MAGI1: variants seen among roughly 807,000 people sequenced by gnomAD.
MAGI1 encodes the protein membrane-associated guanylate kinase, WW and PDZ domain-containing protein 1.
MAGI1 carries 58 observed loss-of-function variants against 139.9 expected under a neutral mutation model. The observed-to-expected ratio is 0.41, with a 90% confidence interval of 0.34 to 0.52. The LOEUF (loss-of-function observed/expected upper bound fraction) is 0.52, where lower values mean the gene tolerates loss of function less well. Among genes scored for constraint, MAGI1 ranks in the 20% least tolerant of loss-of-function variants. MAGI1 has a pLI of 0.12. For missense variants in MAGI1, 1,874 were observed against 1,901.6 expected, an observed-to-expected ratio of 0.99 and a Z score of 0.27; for synonymous variants, 812 against 737.9, an observed-to-expected ratio of 1.10 and a Z score of -1.63.
chr3:65,582,127 A>T (rs2081456390), intron 2 of MAGI1, among the ~76,000 whole-genome samples: 1 of 152,194 alleles, frequency 6.6e-6, no homozygotes, highest in Non-Finnish European at 1.5e-5. Flanking sequence ...AGTGTTTTAG[A>T]CATGATTATA....
intron 2 of MAGI1, among the ~76,000 whole-genome samples, chr3:65,605,973 A>G (rs1450150346): frequency 1.3e-5 from 2 of 151,978 alleles, no homozygotes; most frequent in African/African-American, 2.4e-5. Flanking sequence ...CATCCATTCA[A>G]CTCTGCCTAC....
At chr3:65,882,995 C>T (rs1306510841) in intron 1 of MAGI1, among the ~76,000 whole-genome samples, 1 of 150,238 alleles carries the variant, frequency 6.7e-6, no homozygotes, top group East Asian at 1.9e-4. Flanking sequence ...AGAGAAAGGA[C>T]AAGTTGACCT....
chr3:65,461,515 G>A (rs1428939052), intron 5 of MAGI1, among the ~76,000 whole-genome samples: 3 of 125,850 alleles, frequency 2.4e-5, no homozygotes, highest in Admixed American at 9.7e-5. Context: ...TTAAGACAGA[G>A]TCTCACTCTG....
chr3:66,012,664 G>A (rs932251394), intron 1 of MAGI1, among the ~76,000 whole-genome samples: 1 of 151,768 alleles, frequency 6.6e-6, no homozygotes, highest in South Asian at 2.1e-4. Flanking sequence ...TACTTGGGAG[G>A]CTGAGGCAGG....
At chr3:65,935,645 C>A (rs776151335) in intron 1 of MAGI1, among the ~76,000 whole-genome samples, 2 of 152,126 alleles carry the variant, frequency 1.3e-5, no homozygotes, top group Non-Finnish European at 2.9e-5. Flanking sequence ...GTAGAGTCTA[C>A]TACCTCACCC....
chr3:65,412,646 G>A (rs927989811), intron 12 of MAGI1, among the ~76,000 whole-genome samples: 2 of 152,178 alleles, frequency 1.3e-5, no homozygotes, highest in South Asian at 2.1e-4. Context: ...AAAGCTGCAG[G>A]AAGAGCTGAT....
intron 1 of MAGI1, among the ~76,000 whole-genome samples, chr3:65,625,329 T>C (rs17073215): frequency 0.016 from 2,465 of 152,280 alleles, 32 homozygotes; most frequent in Middle Eastern, 0.078. Context: ...GATTGGATGA[T>C]TGGATGAGTA....
At chr3:65,392,179 C>T (rs1943976191) in intron 13 of MAGI1, among the ~76,000 whole-genome samples, 1 of 152,126 alleles carries the variant, frequency 6.6e-6, no homozygotes, top group Admixed American at 6.5e-5. Flanking sequence ...AGTCCTTGTT[C>T]ATTAAAATCT....
intron 4 of MAGI1, among the ~76,000 whole-genome samples, chr3:65,471,421 A>G (rs1950554056): frequency 6.6e-6 from 1 of 152,212 alleles, no homozygotes; most frequent in South Asian, 2.1e-4. Context: ...GTGAAGAATG[A>G]TAAAAGGCTG....
intron 2 of MAGI1, chr3:65,499,158 G>T (rs570518017): frequency 4.4e-5 from 19 of 429,300 alleles, no homozygotes; most frequent in African/African-American, 3.9e-4. Flanking sequence ...ATTGGCTGTG[G>T]TCTCTAGGAA....
chr3:65,638,454 C>A (rs1344112955), intron 1 of MAGI1, among the ~76,000 whole-genome samples: 1 of 151,760 alleles, frequency 6.6e-6, no homozygotes, highest in African/African-American at 2.4e-5. Context: ...TGTGTTATCA[C>A]CAGATTGCTT....
At chr3:65,939,296 A>G (rs1344473734) in intron 1 of MAGI1, among the ~76,000 whole-genome samples, 3 of 152,184 alleles carry the variant, frequency 2.0e-5, no homozygotes, top group Non-Finnish European at 4.4e-5. Context: ...AGACTCATAC[A>G]GCCAAATGTT....
chr3:65,519,634 T>G (rs1332816459), intron 2 of MAGI1, among the ~76,000 whole-genome samples: 1 of 152,142 alleles, frequency 6.6e-6, no homozygotes, highest in Non-Finnish European at 1.5e-5. Flanking sequence ...TCCACCCACT[T>G]TGGCCTGCCA....
In MAGI1 at chr3:65,356,811, T is replaced by A. The variant is rs199909203; in HGVS notation, c.3956A>T (p.Lys1319Met). The change falls in exon 23 of 23, where the codon AAG becomes ATG. Residue 1319 changes from lysine to methionine, a missense_variant. Around this residue, in one of 5 missense-constraint regions of MAGI1, gnomAD observed 653 missense variants for 644.5 expected, o/e 1.01. Coordinates refer to ENST00000402939, the MANE Select transcript of MAGI1 (RefSeq NM_001033057.2). ...CCTCCGCTTCTCTGGGGACCGCCTCTTGGGGCCGTTGGCGGCTGCCGCGCG... is the reference window on the plus strand; with the variant it reads ...CCTCCGCTTCTCTGGGGACCGCCTCATGGGGCCGTTGGCGGCTGCCGCGCG... ...AERAAAANGP[K>M]RRSPEKRREG... The A allele has an allele frequency of 1.2e-6, 2 of 1,611,694 alleles. No homozygotes were observed. Among genetic ancestry groups the A allele is most frequent in the African/African-American group, 2.7e-5 (2 of 74,830 alleles).
intron 3 of MAGI1, among the ~76,000 whole-genome samples, chr3:65,488,329 C>A (rs937769698): frequency 6.6e-6 from 1 of 151,984 alleles, no homozygotes; most frequent in African/African-American, 2.4e-5. Flanking sequence ...ACACTCATAA[C>A]TTTTTTTCTT....
At chr3:65,728,842 T>G (rs879920442) in intron 1 of MAGI1, among the ~76,000 whole-genome samples, 13 of 152,156 alleles carry the variant, frequency 8.5e-5, no homozygotes, top group Admixed American at 3.3e-4. Flanking sequence ...CTAGTAGAAC[T>G]TGAGTGTGTA....
At position 66,038,179 on chromosome 3, in the gene MAGI1, C is replaced by G; in HGVS notation, c.130G>C (p.Val44Leu). 6.2e-7 allele frequency: 1 copy of G among 1,612,216 alleles called. No homozygotes were observed. The highest frequency in any genetic ancestry group is 1.1e-5 in the South Asian group (1 of 91,024). The change falls in exon 1 of 23, where the codon GTC becomes CTC. Residue 44 changes from valine (V) to leucine (L), a missense_variant. Coordinates refer to ENST00000402939, the MANE Select transcript of MAGI1 (RefSeq NM_001033057.2). ...GGAEHGEFPY[V>L]GAVAAVEAAG... ...GCCTCGACCGCCGCCACCGCTCCGA[C>G]GTACGGAAACTCCCCGTGCTCCGCG...
chr3:65,867,191 T>C (rs572435477), intron 1 of MAGI1, among the ~76,000 whole-genome samples: 1 of 152,146 alleles, frequency 6.6e-6, no homozygotes, highest in South Asian at 2.1e-4. Flanking sequence ...AGAGTAAGCA[T>C]TTGGCACTCA....
intron 1 of MAGI1, among the ~76,000 whole-genome samples, chr3:65,816,774 G>A (rs917848566): frequency 3.3e-5 from 5 of 152,182 alleles, no homozygotes; most frequent in Admixed American, 3.3e-4. Flanking sequence ...GCCATGGCCA[G>A]TATAAATGCC....
Sources: allele counts gnomAD v4.1 joint callset (sites outside exome capture counted in the v4.1 genomes callset), GRCh38; gene constraint gnomAD v4.1.1; regional missense constraint gnomAD v4.1.1; transcripts MANE v1.5; gene names NCBI Gene and HGNC (gene_info 2026-07-23, HGNC 2026-07-21).